Variants in REPS2 observed in about 807,000 individuals in gnomAD.
REPS2 encodes the protein RALBP1 associated Eps domain containing 2, also known as ralBP1-associated Eps domain-containing protein 2.
A neutral mutation model predicts 53.6 loss-of-function variants in REPS2; 23 were observed. The ratio of observed to expected loss-of-function variants is 0.43; its 90% CI spans 0.31 to 0.61. The LOEUF is 0.61. Among genes scored for constraint, REPS2 ranks in the 20% least tolerant of loss-of-function variants. The probability of loss-of-function intolerance (pLI) is 0.11; values close to 1 mark genes in which losing one functional copy is unlikely to be tolerated. For missense variants in REPS2, 446 were observed against 534.9 expected (o/e 0.83, Z 1.64); for synonymous variants, 238 against 218.6 (o/e 1.09, Z -0.78).
chrX:17,030,314 G>GGTGT (rs3222673), intron 5 of REPS2, among the ~76,000 whole-genome samples: 25,303 of 101,590 alleles, frequency 0.25, 2,776 homozygotes, highest in East Asian at 0.57. Context: ...CTCAAAGAAG[G>GGTGT]GTGTGTGTGT....
intron 5 of REPS2, among the ~76,000 whole-genome samples, chrX:17,038,795 G>A (rs1900588724): frequency 8.9e-6 from 1 of 112,253 alleles, no homozygotes; most frequent in Admixed American, 9.4e-5. Context: ...TGTGGCTAGA[G>A]CCTGGAGTGG....
intron 3 of REPS2, among the ~76,000 whole-genome samples, chrX:17,024,669 A>G (rs911398140): frequency 9.0e-6 from 1 of 111,470 alleles, no homozygotes; most frequent in African/African-American, 3.3e-5. Context: ...GGAAGACTTG[A>G]TAAGTATAAA....
At chrX:17,025,207 A>T in intron 4 of REPS2, 22 bp downstream of exon 4, 2 of 1,202,012 alleles carry the variant, frequency 1.7e-6, no homozygotes, top group Non-Finnish European at 2.2e-6. Flanking sequence ...CCTGGGGGCC[A>T]GCTGTCCCAG....
intron 1 of REPS2, among the ~76,000 whole-genome samples, chrX:16,951,553 ACACACACCC>A (rs2060511219): frequency 7.3e-5 from 2 of 27,504 alleles, no homozygotes; most frequent in East Asian, 5.5e-3. Context: ...ACACACACAC[ACACACACCC>A]CCGCTACCTA....
At chrX:16,954,423 GAA>G (rs2060565578) in intron 1 of REPS2, among the ~76,000 whole-genome samples, 1 of 112,002 alleles carries the variant, frequency 8.9e-6, no homozygotes. Context: ...TTGTTATCCT[GAA>G]GCAAGTCGCA....
chrX:17,184,541 C>A, the REPS2 span, among the ~76,000 whole-genome samples: 4 of 108,473 alleles, frequency 3.7e-5, no homozygotes, highest in African/African-American at 1.3e-4. Context: ...TGGGTATATA[C>A]CCAGTAATGG....
rs2063546778 is a variant in REPS2 at position 17,149,325 on chromosome X, A to C, written c.*1844A>C. ...ATCAGCAGTGTTTTTTGTTTTTTTGAGATGGAGACTTGCTCTGTCGCCCAG... is the reference window on the plus strand; with the variant it reads ...ATCAGCAGTGTTTTTTGTTTTTTTGCGATGGAGACTTGCTCTGTCGCCCAG... On this transcript the variant is annotated 3_prime_UTR_variant, in exon 18 of 18. Transcript: ENST00000357277. The C allele has an allele frequency of 6.7e-6, 1 of 149,610 alleles. No individual in the cohort carries two copies. The allele number at this position is 149,610 out of a possible 1,213,427, so 12.3% of individuals were successfully genotyped here.
intron 8 of REPS2, among the ~76,000 whole-genome samples, chrX:17,056,007 AAAAC>A (rs1372556265): frequency 1.3e-4 from 14 of 110,971 alleles, no homozygotes; most frequent in Admixed American, 2.9e-4. Context: ...AAAAAATAAA[AAAAC>A]AAACAAACAA....
intron 1 of REPS2, among the ~76,000 whole-genome samples, chrX:16,951,559 A>ACCCCCC (rs74473321): frequency 8.0e-5 from 3 of 37,477 alleles, no homozygotes; most frequent in African/African-American, 9.0e-5. Context: ...ACACACACAC[A>ACCCCCC]CCCCCGCTAC....
chrX:17,125,547 T>G (rs1172519556), intron 14 of REPS2, among the ~76,000 whole-genome samples: 2 of 112,480 alleles, frequency 1.8e-5, no homozygotes, highest in African/African-American at 6.5e-5. Flanking sequence ...CAAATCTGAA[T>G]TTATAAAAAG....
At chrX:16,961,111 A>G (rs954538184) in intron 1 of REPS2, among the ~76,000 whole-genome samples, 3 of 112,012 alleles carry the variant, frequency 2.7e-5, no homozygotes, top group African/African-American at 9.7e-5. Context: ...TCTAAAATTC[A>G]TATGGTGTGA....
chrX:17,173,633 A>T, the REPS2 span, among the ~76,000 whole-genome samples: 15 of 112,170 alleles, frequency 1.3e-4, no homozygotes, highest in African/African-American at 4.5e-4. Flanking sequence ...CTACTCTAGG[A>T]TCCATTTGCC....
At chrX:17,020,230 GAGGTATCTGTTGA>G (rs1569130091) in intron 2 of REPS2, among the ~76,000 whole-genome samples, 1 of 112,161 alleles carries the variant, frequency 8.9e-6, no homozygotes, top group Non-Finnish European at 1.9e-5. Flanking sequence ...TTGTTCCTTG[GAGGTATCTGTTGA>G]ATGCCAGTAA....
chrX:17,025,023 G>A (rs200278005), intron 3 of REPS2, 36 bp from the exon 4 acceptor site: 144 of 1,210,193 alleles, frequency 1.2e-4, no homozygotes, highest in Non-Finnish European at 2.5e-5. Flanking sequence ...CCAGGCTTGA[G>A]TGAGCGCCTC....
the REPS2 span, among the ~76,000 whole-genome samples, chrX:17,186,462 G>A: frequency 8.9e-6 from 1 of 112,182 alleles, no homozygotes. Flanking sequence ...TTTTATGAAT[G>A]AAAACTGAAG....
rs2063567105 is a variant in REPS2 at position 17,151,327 on chromosome X, GATT to G, written c.*3847_*3849del. Reference sequence around the variant, plus strand: ...ATCATAAAGCATTCTCTTTAGTTGTGATTTGATTCTATAGTCTGTTTCTAAATG... The same window carrying G: ...ATCATAAAGCATTCTCTTTAGTTGTGTGATTCTATAGTCTGTTTCTAAATG... On this transcript the variant is annotated 3_prime_UTR_variant, in exon 18 of 18. Transcript: ENST00000357277. The G allele has an allele frequency of 8.9e-6, 1 of 112,283 alleles. No homozygotes were observed. Among genetic ancestry groups the G allele is most frequent in the African/African-American group, 3.2e-5 (1 of 30,900 alleles). The allele number at this position is 112,283 out of a possible 1,213,427, so 9.3% of individuals were successfully genotyped here.
At chrX:16,950,621 T>C (rs1034130914) in intron 1 of REPS2, among the ~76,000 whole-genome samples, 1 of 112,929 alleles carries the variant, frequency 8.9e-6, no homozygotes, top group Non-Finnish European at 1.9e-5. Flanking sequence ...TGTCAGGTAC[T>C]GTCCTAGGTG....
chrX:17,039,564 C>T (rs2061806056), intron 5 of REPS2, among the ~76,000 whole-genome samples: 1 of 112,232 alleles, frequency 8.9e-6, no homozygotes, highest in African/African-American at 3.2e-5. Context: ...ATAGCTCAAG[C>T]ACAGATCCTC....
intron 1 of REPS2, among the ~76,000 whole-genome samples, chrX:16,968,077 A>G (rs1052347985): frequency 7.2e-5 from 8 of 111,271 alleles, no homozygotes; most frequent in Admixed American, 3.8e-4. Context: ...CATCTGTTTA[A>G]CAAAGCACAT....
Sources: allele counts gnomAD v4.1 joint callset (sites outside exome capture counted in the v4.1 genomes callset), GRCh38; gene constraint gnomAD v4.1.1; transcripts MANE v1.5; gene names NCBI Gene and HGNC (gene_info 2026-07-23, HGNC 2026-07-21).